Variants in TTC19 observed in about 807,000 individuals in gnomAD.
The protein encoded by TTC19 is tetratricopeptide repeat protein 19, mitochondrial.
TTC19 carries 38 observed loss-of-function variants against 49.5 expected under a neutral mutation model. That is an observed-to-expected ratio of 0.77 (90% confidence interval 0.59 to 1.01). The LOEUF is 1.01. TTC19 is among the 50% of genes least tolerant of loss of function. The pLI, the probability that TTC19 is intolerant of heterozygous loss-of-function variation, is 0.00. For synonymous variants in TTC19, 204 were observed against 185.2 expected (o/e 1.10, Z -0.83); for missense variants, 475 against 477.7 (o/e 0.99, Z 0.05).
intron 7 of TTC19, among the ~76,000 whole-genome samples, chr17:16,020,179 T>C (rs1971329523): frequency 6.6e-6 from 1 of 152,228 alleles, no homozygotes; most frequent in African/African-American, 2.4e-5. Context: ...TAGCAGTATA[T>C]TAGTGTTCAT....
At chr17:16,016,384 T>A (rs1379739153) in intron 7 of TTC19, among the ~76,000 whole-genome samples, 1 of 152,126 alleles carries the variant, frequency 6.6e-6, no homozygotes, top group African/African-American at 2.4e-5. Flanking sequence ...TTATTGAGAT[T>A]TGTTGTATGG....
At chr17:16,019,556 C>T (rs1971310449) in intron 7 of TTC19, among the ~76,000 whole-genome samples, 1 of 151,460 alleles carries the variant, frequency 6.6e-6, no homozygotes, top group Non-Finnish European at 1.5e-5. Flanking sequence ...GGGTGACTTC[C>T]TCTAATTAAT....
chr17:16,039,344 G>T, intron 2 of TTC19: 1 of 1,248,850 alleles, frequency 8.0e-7, no homozygotes, highest in Non-Finnish European at 1.1e-6. Context: ...AGACATAAAT[G>T]AAATGTCTTA....
At chr17:16,037,374 A>G (rs953810093) in intron 2 of TTC19, among the ~76,000 whole-genome samples, 1 of 152,198 alleles carries the variant, frequency 6.6e-6, no homozygotes, top group Non-Finnish European at 1.5e-5. Flanking sequence ...TAATGCTGAT[A>G]GACTTGCTTG....
exon 3 of TTC19, chr17:16,044,656 A>G: frequency 1.5e-6 from 1 of 651,960 alleles, no homozygotes; most frequent in South Asian, 1.4e-5. Context: ...GCATCTACTC[A>G]GCCCTCACTC....
intron 2 of TTC19, chr17:16,040,577 A>G: frequency 1.8e-6 from 2 of 1,135,418 alleles, no homozygotes; most frequent in Non-Finnish European, 2.6e-6. Flanking sequence ...TCCTATAATA[A>G]AATTAATCTT....
In TTC19 at chr17:16,004,581, G is replaced by A. The variant is rs115321068; in HGVS notation, c.581+319G>A. ...ACTTTTCCTAGAAGAGGAAAGAGCA[G>A]TGTGAAAGCTGCTGGGGATAATATA... On this transcript the variant is annotated intron_variant, in intron 6 of 9. Transcript: ENST00000261647. Among the ~76,000 whole-genome samples the A allele has an allele frequency of 2.8e-3, 424 of 152,334 alleles. 2 individuals are homozygous for A. Among genetic ancestry groups the A allele is most frequent in the African/African-American group, 9.7e-3 (402 of 41,574 alleles).
Position 16,006,510 on chromosome 17 carries a change from T to G in TTC19, c.618T>G (p.Ile206Met), listed in dbSNP as rs747453007. ...EFAVAGYEFC[I>M]STLEEKIERE... is the part of the protein sequence containing the mutation. Reference sequence around the variant, plus strand: ...CTGTTGCTGGCTATGAATTCTGCATTTCAACTCTAGAGGAAAAAATTGAAA... The same window carrying G: ...CTGTTGCTGGCTATGAATTCTGCATGTCAACTCTAGAGGAAAAAATTGAAA... The change falls in exon 7 of 10, where the codon ATT becomes ATG. Residue 206 changes from isoleucine to methionine, a missense_variant. Ile to Met is a conservative substitution (Grantham distance 10, BLOSUM62 1). Coordinates refer to ENST00000261647, the MANE Select transcript of TTC19 (RefSeq NM_017775.4). The G allele has an allele frequency of 8.1e-6, 13 of 1,613,852 alleles. No homozygotes were observed. Among genetic ancestry groups the G allele is most frequent in the Non-Finnish European group, 1.1e-5 (13 of 1,179,822 alleles).
At chr17:16,007,546 A>G (rs1167626913) in intron 7 of TTC19, among the ~76,000 whole-genome samples, 2 of 152,210 alleles carry the variant, frequency 1.3e-5, no homozygotes, top group Non-Finnish European at 1.5e-5. Context: ...AATTGCCAGT[A>G]TCACCACTCT....
rs1182408754 is a variant in TTC19, at chr17:16,027,873, T to TAA, written c.*352_*353dup. The TAA allele has an allele frequency of 2.1e-6, 1 of 467,232 alleles. No individual in the cohort carries two copies. Among genetic ancestry groups the TAA allele is most frequent in the Non-Finnish European group, 4.3e-6 (1 of 235,200 alleles). The allele number at this position is 467,232 out of a possible 1,614,324, so 28.9% of individuals were successfully genotyped here. On this transcript the variant is annotated 3_prime_UTR_variant, in exon 10 of 10. Transcript: ENST00000261647. ...GTGATTCAGCCTGGCATTTCTACCA[T>TAA]AAGTTTTTGGTCTGCTGATTTGCTG...
In TTC19 at chr17:16,028,477, C is replaced by T. The variant is rs71358385; in HGVS notation, c.*955C>T. On this transcript the variant is annotated 3_prime_UTR_variant, in exon 10 of 10. Coordinates refer to ENST00000261647, the MANE Select transcript of TTC19 (RefSeq NM_017775.4). Reference sequence around the variant, plus strand: ...AACTAGGGAAACACTGGGATTCTTTCTTAGCTGTGGGGGAAGGTATTTGGT... The same window carrying T: ...AACTAGGGAAACACTGGGATTCTTTTTTAGCTGTGGGGGAAGGTATTTGGT... The T allele has an allele frequency of 2.2e-6, 1 of 454,056 alleles. No individual in the cohort carries two copies. Among genetic ancestry groups the T allele is most frequent in the Non-Finnish European group, 4.4e-6 (1 of 226,762 alleles). The allele number at this position is 454,056 out of a possible 1,614,324, so 28.1% of individuals were successfully genotyped here. A position where few individuals can be genotyped will look rare whatever the true frequency, so the allele number is the denominator to read the frequency against.
chr17:16,015,335 ATT>A (rs1172981505), intron 7 of TTC19, among the ~76,000 whole-genome samples: 1 of 152,148 alleles, frequency 6.6e-6, no homozygotes, highest in Non-Finnish European at 1.5e-5. Context: ...AAACATAAAC[ATT>A]AATAAATATC....
chr17:16,038,618 G>A (rs768868864), intron 2 of TTC19, among the ~76,000 whole-genome samples: 1 of 151,992 alleles, frequency 6.6e-6, no homozygotes, highest in Non-Finnish European at 1.5e-5. Flanking sequence ...TGTAATTTTT[G>A]TAGAGACGGG....
At chr17:16,000,088 G>T in intron 1 of TTC19, 30 bp from the exon 2 acceptor site, 1 of 1,450,490 alleles carries the variant, frequency 6.9e-7, no homozygotes, top group African/African-American at 1.5e-5. Flanking sequence ...CGCGGGCCGG[G>T]CCCGATGACC....
intron 7 of TTC19, among the ~76,000 whole-genome samples, chr17:16,016,552 ATTT>A (rs769994419): frequency 1.1e-5 from 1 of 94,082 alleles, no homozygotes; most frequent in East Asian, 2.9e-4. Flanking sequence ...AGTTGTTCTA[ATTT>A]TTTTTTTTTT....
chr17:16,040,456 C>T, intron 2 of TTC19: 1 of 1,613,728 alleles, frequency 6.2e-7, no homozygotes, highest in Non-Finnish European at 8.5e-7. Context: ...GTAGTAACTG[C>T]TGGCAGATTA....
In TTC19 at chr17:16,028,031, C is replaced by T; in HGVS notation, c.*509C>T. On this transcript the variant is annotated 3_prime_UTR_variant, in exon 10 of 10. Coordinates refer to ENST00000261647, the MANE Select transcript of TTC19 (RefSeq NM_017775.4). Reference sequence around the variant, plus strand: ...CATGAAGCACAAGTGGAATTTAATACATAAAAGAGAAAAATATCTTAGTTT... The same window carrying T: ...CATGAAGCACAAGTGGAATTTAATATATAAAAGAGAAAAATATCTTAGTTT... 4 of 454,048 alleles carry T rather than the reference C, an allele frequency of 8.8e-6. No individual in the cohort carries two copies. The highest frequency in any genetic ancestry group is 1.8e-5 in the Non-Finnish European group (4 of 226,796). 28.1% of individuals were successfully genotyped at this position (454,048 alleles called of 1,614,324 possible).
Position 16,024,475 on chromosome 17 carries a change from T to C in TTC19, c.677-542T>C, listed in dbSNP as rs1287075808. ...CACGCCTGGCTAATTTTTTTTTTTT[T>C]TTTGTATTTTTAGTAGAGACGGGGT... On this transcript the variant is annotated intron_variant, in intron 7 of 9. Coordinates refer to ENST00000261647, the MANE Select transcript of TTC19 (RefSeq NM_017775.4). 3 of 151,574 alleles carry C rather than the reference T, an allele frequency of 2.0e-5. No homozygotes were observed. In the East Asian group the frequency reaches 5.7e-4, roughly 29 times the overall value. The allele number at this position is 151,574 out of a possible 1,614,324, so 9.4% of individuals were successfully genotyped here.
chr17:16,032,285 C>G, downstream of TTC19: 1 of 1,599,968 alleles, frequency 6.3e-7, no homozygotes, highest in Non-Finnish European at 8.5e-7. Flanking sequence ...GTTCCCCTCA[C>G]TTTGTGCAGT....
Sources: allele counts gnomAD v4.1 joint callset (sites outside exome capture counted in the v4.1 genomes callset), GRCh38; gene constraint gnomAD v4.1.1; transcripts MANE v1.5; gene names NCBI Gene and HGNC (gene_info 2026-07-23, HGNC 2026-07-21).